The following STAB2 variants were observed in gnomAD, a reference collection of about 807,000 sequenced individuals.
STAB2 encodes stabilin 2, also known as stabilin-2.
In STAB2, 288 loss-of-function variants were observed where a neutral mutation model predicts 338.1. That is an observed-to-expected ratio of 0.85 (90% confidence interval 0.77 to 0.94). The LOEUF (loss-of-function observed/expected upper bound fraction) is 0.94, where lower values mean the gene tolerates loss of function less well. Among genes scored for constraint, STAB2 ranks in the 40% least tolerant of loss-of-function variants. The pLI is 0.00. For missense variants in STAB2, 3,141 were observed against 3,210.1 expected, an observed-to-expected ratio of 0.98 and a Z score of 0.52; for synonymous variants, 1,202 against 1,193.3, an observed-to-expected ratio of 1.01 and a Z score of -0.15.
chr12:103,650,634 G>T (rs966339934), intron 11 of STAB2, 56 bp downstream of exon 11: 2 of 1,398,482 alleles, frequency 1.4e-6, no homozygotes, highest in South Asian at 1.2e-5. Context: ...CCTTAGTAGG[G>T]AGTACCTTCT....
chr12:103,764,239 C>T (rs985127456), intron 68 of STAB2, among the ~76,000 whole-genome samples: 20 of 152,346 alleles, frequency 1.3e-4, no homozygotes, highest in Non-Finnish European at 2.8e-4. Context: ...AGGCGTGAGC[C>T]ACTGCATCTG....
chr12:103,718,144 G>A (rs1343460923), intron 44 of STAB2, among the ~76,000 whole-genome samples: 2 of 152,136 alleles, frequency 1.3e-5, no homozygotes, highest in Non-Finnish European at 2.9e-5. Context: ...CACCAAGCAT[G>A]TCTCTCACCT....
At chr12:103,763,802 G>C (rs1050651848) in intron 68 of STAB2, 194 bp downstream of exon 68, 26 of 519,992 alleles carry the variant, frequency 5.0e-5, no homozygotes, top group Non-Finnish European at 8.2e-5. Context: ...GGGTTCTCTT[G>C]GGTAGACAGC....
intron 5 of STAB2, among the ~76,000 whole-genome samples, chr12:103,625,629 G>C (rs890906145): frequency 1.8e-4 from 28 of 152,160 alleles, no homozygotes; most frequent in Non-Finnish European, 2.5e-4. Context: ...TTGTCCCTGC[G>C]ATAGTTTGCT....
At chr12:103,597,733 C>T (rs1463132960) in intron 3 of STAB2, among the ~76,000 whole-genome samples, 2 of 151,914 alleles carry the variant, frequency 1.3e-5, no homozygotes, top group African/African-American at 4.8e-5. Context: ...TCTGAACAGC[C>T]GATATTCTAT....
intron 11 of STAB2, 47 bp from the exon 12 acceptor site, chr12:103,652,509 C>T: frequency 6.6e-7 from 1 of 1,507,614 alleles, no homozygotes; most frequent in Non-Finnish European, 8.9e-7. Flanking sequence ...TGTTACAAAA[C>T]TCATTTTCTT....
chr12:103,668,843 T>C, intron 20 of STAB2, 114 bp downstream of exon 20: 1 of 888,126 alleles, frequency 1.1e-6, no homozygotes, highest in Non-Finnish European at 1.7e-6. Context: ...CTTGCTGTTG[T>C]CTTCCTGCAG....
intron 23 of STAB2, among the ~76,000 whole-genome samples, chr12:103,674,530 T>C (rs1188450706): frequency 6.6e-6 from 1 of 152,246 alleles, no homozygotes; most frequent in Non-Finnish European, 1.5e-5. Flanking sequence ...CTTTCTAACC[T>C]TTGAAGACAC....
chr12:103,743,402 C>T (rs1210309817), intron 56 of STAB2, among the ~76,000 whole-genome samples: 2 of 152,022 alleles, frequency 1.3e-5, no homozygotes, highest in East Asian at 1.9e-4. Context: ...CTTACAGACA[C>T]AAATTTTTCT....
At chr12:103,728,691 A>G (rs1269318637) in intron 47 of STAB2, among the ~76,000 whole-genome samples, 158 bp from the exon 48 acceptor site, 1 of 152,160 alleles carries the variant, frequency 6.6e-6, no homozygotes, top group Non-Finnish European at 1.5e-5. Context: ...TTTTGTCTGA[A>G]CAGCCTCCAC....
intron 3 of STAB2, among the ~76,000 whole-genome samples, chr12:103,619,579 C>T (rs1324684932): frequency 6.6e-6 from 1 of 151,912 alleles, no homozygotes; most frequent in Non-Finnish European, 1.5e-5. Context: ...TAGTGAATGT[C>T]CTCTAATAAA....
chr12:103,688,062 G>A (rs1036003794), intron 27 of STAB2, 106 bp from the exon 28 acceptor site: 11 of 1,082,484 alleles, frequency 1.0e-5, no homozygotes, highest in Non-Finnish European at 1.3e-5. Context: ...GCCCCAGGAA[G>A]GCTGAGTGCA....
chr12:103,740,428 G>A (rs1377077475), intron 54 of STAB2, among the ~76,000 whole-genome samples: 1 of 152,024 alleles, frequency 6.6e-6, no homozygotes, highest in Non-Finnish European at 1.5e-5. Flanking sequence ...ATGGACCCTA[G>A]ATCTACTCCC....
chr12:103,703,551 G>T (rs1345579414), intron 35 of STAB2, among the ~76,000 whole-genome samples: 1 of 152,150 alleles, frequency 6.6e-6, no homozygotes, highest in Non-Finnish European at 1.5e-5. Context: ...GATGGTGGGG[G>T]GGAGTGGTGT....
intron 30 of STAB2, among the ~76,000 whole-genome samples, chr12:103,691,312 T>G (rs951113035): frequency 2.6e-5 from 4 of 152,200 alleles, no homozygotes; most frequent in Admixed American, 2.6e-4. Flanking sequence ...CCTAAAACAT[T>G]TCTACCCTCC....
chr12:103,763,873 A>C, intron 68 of STAB2: 17 of 319,594 alleles, frequency 5.3e-5, no homozygotes, highest in East Asian at 2.1e-4. Context: ...GCCCAATCTC[A>C]TGACCAGGTG....
intron 3 of STAB2, among the ~76,000 whole-genome samples, chr12:103,606,429 C>T (rs11111674): frequency 0.32 from 48,921 of 151,952 alleles, 10,037 homozygotes; most frequent in African/African-American, 0.58. Flanking sequence ...CACATAATGA[C>T]GATGTCCAGC....
At chr12:103,737,049 T>C (rs1882189450) in intron 52 of STAB2, among the ~76,000 whole-genome samples, 1 of 152,206 alleles carries the variant, frequency 6.6e-6, no homozygotes, top group Admixed American at 6.5e-5. Context: ...CTGTCACTTG[T>C]ACACCCTGGA....
rs1002664062 is a variant in STAB2 at position 103,720,119 on chromosome 12, A to C, written c.4683+2278A>C. On this transcript the variant is annotated intron_variant, in intron 44 of 68. Coordinates refer to ENST00000388887, the MANE Select transcript of STAB2 (RefSeq NM_017564.10). ...CAGTTATGTAAGGATAATAAAGAAG[A>C]AGCTACGGAAAAGATGGGGGCTGAG... 7.9e-5 allele frequency among the ~76,000 whole-genome samples: 12 copies of C among 152,244 alleles called. 1 individual carries two copies. The highest frequency in any genetic ancestry group is 2.2e-4 in the African/African-American group (9 of 41,460).
Sources: allele counts gnomAD v4.1 joint callset (sites outside exome capture counted in the v4.1 genomes callset), GRCh38; gene constraint gnomAD v4.1.1; transcripts MANE v1.5; gene names NCBI Gene and HGNC (gene_info 2026-07-23, HGNC 2026-07-21).